The following RMP24 variants were observed in gnomAD, a reference collection of about 807,000 sequenced individuals.
RMP24 encodes the protein ribonuclease MRP subunit p24.
At chr18:35,977,312 G>A in the RMP24 span, 1 of 1,109,196 alleles carries the variant, frequency 9.0e-7, no homozygotes, top group Non-Finnish European at 1.3e-6. Flanking sequence ...ATAGTATCTG[G>A]TGTAGTCCCT....
At chr18:35,974,930 C>G in the RMP24 span, 2 of 1,614,160 alleles carry the variant, frequency 1.2e-6, no homozygotes, top group South Asian at 2.2e-5. Context: ...CGTGTCCATA[C>G]TGTTTCCAGC....
chr18:35,973,308 C>G, the RMP24 span: 1 of 324,698 alleles, frequency 3.1e-6, no homozygotes, highest in Admixed American at 4.4e-5. Flanking sequence ...CATCCAATCT[C>G]ATGGCTTTTA....
At chr18:35,979,241 T>A in the RMP24 span, 1 of 317,986 alleles carries the variant, frequency 3.1e-6, no homozygotes, top group Non-Finnish European at 5.8e-6. Context: ...TCTATAGATA[T>A]ATATGTGTAT....
chr18:35,972,876 C>G, the RMP24 span: 70 of 1,614,168 alleles, frequency 4.3e-5, no homozygotes, highest in Non-Finnish European at 5.6e-5. Flanking sequence ...GTCTCTTTCT[C>G]TTTTACAGCT....
At chr18:35,977,593 G>C in the RMP24 span, 2 of 1,608,956 alleles carry the variant, frequency 1.2e-6, no homozygotes, top group South Asian at 2.2e-5. Context: ...CCCAGCATCG[G>C]TTTTCAGGTA....
chr18:35,972,774 G>C, the RMP24 span: 3 of 1,613,986 alleles, frequency 1.9e-6, no homozygotes, highest in South Asian at 3.3e-5. Context: ...GGGACTGCAC[G>C]ACAGCTGCCC....
chr18:35,979,152 G>T, the RMP24 span: 21 of 756,282 alleles, frequency 2.8e-5, no homozygotes, highest in African/African-American at 3.7e-4. Flanking sequence ...CCTCATTAGT[G>T]TGAATACCTG....
At chr18:35,972,718 C>T in the RMP24 span, 1 of 1,601,664 alleles carries the variant, frequency 6.2e-7, no homozygotes, top group Non-Finnish European at 8.5e-7. Context: ...CCAGCGGCAG[C>T]GGCGGCGGCG....
the RMP24 span, among the ~76,000 whole-genome samples, chr18:35,976,473 A>G: frequency 6.6e-6 from 1 of 152,342 alleles, no homozygotes; most frequent in East Asian, 1.9e-4. Context: ...GCATGGGCTG[A>G]GTCCTGTGCA....
At chr18:35,972,830 G>T in the RMP24 span, 2 of 1,614,266 alleles carry the variant, frequency 1.2e-6, no homozygotes, top group East Asian at 4.5e-5. Flanking sequence ...GGGGAAGCGG[G>T]AGGCGAGCGG....
At chr18:35,979,228 A>G in the RMP24 span, 10 of 371,202 alleles carry the variant, frequency 2.7e-5, no homozygotes, top group South Asian at 4.2e-4. Flanking sequence ...TTGTAGATAC[A>G]TATCTATAGA....
the RMP24 span, chr18:35,975,143 C>T: frequency 6.7e-7 from 1 of 1,498,536 alleles, no homozygotes; most frequent in Non-Finnish European, 9.1e-7. Flanking sequence ...ATTTTCTTTT[C>T]TTTCACTTAA....
chr18:35,972,927 C>T, the RMP24 span: 5 of 1,614,040 alleles, frequency 3.1e-6, no homozygotes, highest in East Asian at 2.2e-5. Flanking sequence ...ACGCCTGTCT[C>T]TTGTGCTTTG....
the RMP24 span, chr18:35,973,262 T>C: frequency 2.5e-6 from 1 of 394,868 alleles, no homozygotes; most frequent in East Asian, 4.8e-5. Context: ...TTGGACCTCT[T>C]TTCTAGGCAC....
the RMP24 span, chr18:35,973,075 C>A: frequency 1.2e-6 from 1 of 846,836 alleles, no homozygotes; most frequent in Non-Finnish European, 1.9e-6. Flanking sequence ...CTTTAATGTG[C>A]CTTGTCTTGC....
At chr18:35,978,366 A>G in the RMP24 span, among the ~76,000 whole-genome samples, 5 of 152,232 alleles carry the variant, frequency 3.3e-5, no homozygotes, top group Admixed American at 2.0e-4. Flanking sequence ...CACACCTGTA[A>G]TCCCAGCACT....
At chr18:35,977,322 T>C in the RMP24 span, 11 of 1,272,576 alleles carry the variant, frequency 8.6e-6, no homozygotes, top group African/African-American at 1.5e-5. Context: ...GTGTAGTCCC[T>C]GACATTTAAG....
At chr18:35,974,161 T>G in the RMP24 span, among the ~76,000 whole-genome samples, 2 of 152,188 alleles carry the variant, frequency 1.3e-5, no homozygotes, top group Admixed American at 6.5e-5. Flanking sequence ...TTCCCTCTGG[T>G]CTCTATAATA....
the RMP24 span, chr18:35,978,851 C>T: frequency 1.3e-6 from 2 of 1,598,520 alleles, no homozygotes; most frequent in East Asian, 2.2e-5. Context: ...TACATCTGGA[C>T]AGTCAGTATC....
Sources: gnomAD v4.1 joint callset for allele counts (sites outside exome capture counted in the v4.1 genomes callset) on GRCh38, gnomAD v4.1.1 for gene constraint, MANE v1.5 for transcripts, NCBI Gene and HGNC (gene_info 2026-07-23, HGNC 2026-07-21) for gene names.